PLPP7: variants seen among roughly 807,000 people sequenced by gnomAD.
PLPP7 encodes the protein inactive phospholipid phosphatase 7.
In PLPP7, 11 loss-of-function variants were observed where a neutral mutation model predicts 16.9. The ratio of observed to expected loss-of-function variants is 0.65; its 90% CI spans 0.41 to 1.08. PLPP7 has a LOEUF of 1.08. Ranked by LOEUF, PLPP7 falls within the 50% of genes least tolerant of loss-of-function variation. PLPP7 has a pLI of 0.00. For missense variants in PLPP7, 358 were observed against 397.1 expected (o/e 0.90, Z 0.84); for synonymous variants, 174 against 175.1 (o/e 0.99, Z 0.05).
intron 1 of PLPP7, among the ~76,000 whole-genome samples, chr9:131,304,021 G>C (rs1412989219): frequency 6.6e-6 from 1 of 152,164 alleles, no homozygotes; most frequent in East Asian, 1.9e-4. Flanking sequence ...ACCTGAGATG[G>C]GGAAGCACAG....
At chr9:131,296,408 C>A (rs747691588) in intron 1 of PLPP7, among the ~76,000 whole-genome samples, 1 of 152,068 alleles carries the variant, frequency 6.6e-6, no homozygotes, top group Non-Finnish European at 1.5e-5. Context: ...GGACTACAGG[C>A]GCCTGCCACC....
Position 131,308,257 on chromosome 9 carries a change from C to A in PLPP7, c.786C>A (p.Ser262Arg), listed in dbSNP as rs778919576. The A allele has an allele frequency of 1.3e-5, 20 of 1,597,034 alleles. No homozygotes were observed. The highest frequency in any genetic ancestry group is 1.7e-5 in the Non-Finnish European group (20 of 1,178,934). The change falls in exon 2 of 2, where the codon AGC becomes AGA. Residue 262 changes from serine to arginine, a missense_variant. Physicochemically the swap from Ser to Arg is moderately radical, Grantham distance 110. Transcript: ENST00000372264. ...RLVELVWMPS[S>R]TCQMLISAW Reference sequence around the variant, plus strand: ...TGGAGCTGGTCTGGATGCCCTCCAGCACCTGCCAGATGCTCATCTCTGCCT... The same window carrying A: ...TGGAGCTGGTCTGGATGCCCTCCAGAACCTGCCAGATGCTCATCTCTGCCT...
chr9:131,292,963 T>C (rs1835698146), intron 1 of PLPP7: 3 of 985,352 alleles, frequency 3.0e-6, no homozygotes, highest in Non-Finnish European at 3.6e-6. Context: ...ACAGAAGTGA[T>C]AGACATTTTT....
At chr9:131,305,457 G>A (rs1283380371) in intron 1 of PLPP7, among the ~76,000 whole-genome samples, 1 of 129,190 alleles carries the variant, frequency 7.7e-6, no homozygotes, top group South Asian at 2.5e-4. Flanking sequence ...AGGAGACTGA[G>A]GGAGGAGGAT....
At chr9:131,306,409 G>A (rs1057236918) in intron 1 of PLPP7, among the ~76,000 whole-genome samples, 3 of 151,674 alleles carry the variant, frequency 2.0e-5, no homozygotes, top group African/African-American at 7.3e-5. Context: ...AGGCGAGGCA[G>A]CGTGCGCCTG....
intron 1 of PLPP7, among the ~76,000 whole-genome samples, chr9:131,298,852 G>T (rs1328833253): frequency 6.6e-6 from 1 of 152,224 alleles, no homozygotes; most frequent in Non-Finnish European, 1.5e-5. Flanking sequence ...GGTTCTTGTT[G>T]CCCTCTGAGG....
intron 1 of PLPP7, among the ~76,000 whole-genome samples, chr9:131,307,061 A>G (rs1835861218): frequency 6.6e-6 from 1 of 151,988 alleles, no homozygotes; most frequent in Non-Finnish European, 1.5e-5. Context: ...CCTGGCCAAC[A>G]TGGCAAAACC....
At chr9:131,291,412 A>C in intron 1 of PLPP7, 1 of 1,150,326 alleles carries the variant, frequency 8.7e-7, no homozygotes, top group South Asian at 1.8e-5. Flanking sequence ...GTTCCAGAGG[A>C]AGTTACAATA....
At chr9:131,299,166 C>A (rs1156710980) in intron 1 of PLPP7, among the ~76,000 whole-genome samples, 1 of 152,018 alleles carries the variant, frequency 6.6e-6, no homozygotes. Flanking sequence ...GACCTTGAAG[C>A]CGGTCTCTTT....
intron 1 of PLPP7, among the ~76,000 whole-genome samples, chr9:131,297,787 A>G (rs1345856084): frequency 6.6e-6 from 1 of 152,138 alleles, no homozygotes; most frequent in Non-Finnish European, 1.5e-5. Context: ...ATCACCCCTA[A>G]TCCTCTTGCC....
rs62580443 is a variant in PLPP7, at chr9:131,293,291, C to T, written c.451+2843C>T. Among the ~76,000 whole-genome samples the T allele has an allele frequency of 2.3e-4, 35 of 152,192 alleles. No individual in the cohort carries two copies. The East Asian group carries it at 3.3e-3, about 14-fold the overall frequency. On this transcript the variant is annotated intron_variant, in intron 1 of 1. Coordinates refer to ENST00000372264, the MANE Select transcript of PLPP7 (RefSeq NM_032728.4). Reference sequence around the variant, plus strand: ...GCACTCCTGGAGCGTGTGTGCTTTGCGGAGGGGAATGATCTGGGAGGAGGT... The same window carrying T: ...GCACTCCTGGAGCGTGTGTGCTTTGTGGAGGGGAATGATCTGGGAGGAGGT...
At chr9:131,292,819 C>T (rs914049404) in intron 1 of PLPP7, 6 of 985,196 alleles carry the variant, frequency 6.1e-6, no homozygotes, top group African/African-American at 5.2e-5. Context: ...TTTCCCCTGC[C>T]CCAAACATTG....
intron 1 of PLPP7, among the ~76,000 whole-genome samples, chr9:131,297,152 A>T (rs1835742615): frequency 6.6e-6 from 1 of 152,220 alleles, no homozygotes; most frequent in African/African-American, 2.4e-5. Flanking sequence ...GCAGCTGTCC[A>T]CACAGCGGAT....
In PLPP7 at chr9:131,308,017, C is replaced by A. The variant is rs1348378865; in HGVS notation, c.546C>A (p.Leu182=). The stretch of plus-strand genomic sequence containing the variant: ...CGAGCCCCAGCCTCCTGGACTACCT[C>A]ACCATGGACATCTACGCCTTCCCGG... The part of the protein sequence containing the change: ...YETSPSLLDY[L]TMDIYAFPAG... The change falls in exon 2 of 2, where the codon CTC becomes CTA. Residue 182 remains leucine (L), a synonymous_variant. Transcript: ENST00000372264. 6.2e-7 allele frequency: 1 copy of A among 1,601,052 alleles called. No individual in the cohort carries two copies. The highest frequency in any genetic ancestry group is 8.5e-7 in the Non-Finnish European group (1 of 1,179,822).
Position 131,290,223 on chromosome 9 carries a change from T to C in PLPP7, c.226T>C (p.Ser76Pro). ...GGAGGACTGCATGCAGCTGAACCCC[T>C]CCTTCAAGGGCATCGCCTTCAACTC... ...PEEDCMQLNP[S>P]FKGIAFNSLL... Residue 76 changes from serine (S) to proline (P), a missense_variant, in exon 1 of 2, where the codon TCC becomes CCC. Ser to Pro is a moderately conservative substitution (Grantham distance 74). Transcript: ENST00000372264. This position sits in a 1 kb window ranked among gnomAD's most constrained non-coding sequence, Gnocchi z 4.2. The C allele has an allele frequency of 6.2e-7, 1 of 1,608,214 alleles. No individual in the cohort carries two copies. The highest frequency in any genetic ancestry group is 8.5e-7 in the Non-Finnish European group (1 of 1,176,802).
chr9:131,291,216 A>G, intron 1 of PLPP7: 7 of 1,354,248 alleles, frequency 5.2e-6, no homozygotes, highest in Non-Finnish European at 6.9e-6. Context: ...CCCTTCGGGC[A>G]CCACCAGGTC....
chr9:131,292,504 G>A (rs958204358), intron 1 of PLPP7, among the ~76,000 whole-genome samples: 1 of 152,180 alleles, frequency 6.6e-6, no homozygotes, highest in Non-Finnish European at 1.5e-5. Flanking sequence ...ATGGGGTGAC[G>A]ATGGTTCTAA....
At chr9:131,298,757 T>C (rs1196553919) in intron 1 of PLPP7, among the ~76,000 whole-genome samples, 2 of 152,234 alleles carry the variant, frequency 1.3e-5, no homozygotes, top group Non-Finnish European at 2.9e-5. Context: ...CTGCCTGGCC[T>C]CTGGGAGCCT....
rs994658298 is a variant in PLPP7, at chr9:131,289,855, ACT to A, written c.-139_-138del. The A allele has an allele frequency of 1.7e-6, 1 of 591,244 alleles. No individual in the cohort carries two copies. Among genetic ancestry groups the A allele is most frequent in the Admixed American group, 4.3e-5 (1 of 23,444 alleles). The allele number at this position is 591,244 out of a possible 1,614,324, so 36.6% of individuals were successfully genotyped here. A position where few individuals can be genotyped will look rare whatever the true frequency, so the allele number is the denominator to read the frequency against. ...CAGAGGAGATAAACAGCCATGTGCAACTCTCCACACTATATTTAACAGCTGCG... is the reference window on the plus strand; with the variant it reads ...CAGAGGAGATAAACAGCCATGTGCAACTCCACACTATATTTAACAGCTGCG... On this transcript the variant is annotated 5_prime_UTR_variant, in exon 1 of 2. The change abolishes the stop of an existing upstream ORF in the 5' untranslated region. Transcript: ENST00000372264.
Sources: allele counts gnomAD v4.1 joint callset (sites outside exome capture counted in the v4.1 genomes callset), GRCh38; gene constraint gnomAD v4.1.1; non-coding constraint Gnocchi (gnomAD v3.1); transcripts MANE v1.5; gene names NCBI Gene and HGNC (gene_info 2026-07-23, HGNC 2026-07-21).